Variants in TBC1D22A observed in about 807,000 individuals in gnomAD.
The protein encoded by TBC1D22A is putative GTPase activator.
A neutral mutation model predicts 60.2 loss-of-function variants in TBC1D22A; 38 were observed. The ratio of observed to expected loss-of-function variants is 0.63; its 90% CI spans 0.49 to 0.83. TBC1D22A has a LOEUF of 0.83. Among genes scored for constraint, TBC1D22A ranks in the 40% least tolerant of loss-of-function variants. The pLI is 0.00. For missense variants in TBC1D22A, 628 were observed against 701.0 expected, an observed-to-expected ratio of 0.90 and a Z score of 1.18; for synonymous variants, 302 against 281.7, an observed-to-expected ratio of 1.07 and a Z score of -0.72.
At chr22:46,823,622 A>G (rs1421816092) in intron 4 of TBC1D22A, among the ~76,000 whole-genome samples, 2 of 152,240 alleles carry the variant, frequency 1.3e-5, no homozygotes, top group African/African-American at 4.8e-5. Context: ...GGAGGATTCA[A>G]TGAATTCATG....
rs538885574 is a variant in TBC1D22A, at chr22:46,838,578, G to C, written c.638-40075G>C. On this transcript the variant is annotated intron_variant, in intron 4 of 12. Transcript: ENST00000337137. Reference sequence around the variant, plus strand: ...GTATTATGAGGATATATTATACCCTGATTTAAAAGCCAGACAAGGACATTA... The same window carrying C: ...GTATTATGAGGATATATTATACCCTCATTTAAAAGCCAGACAAGGACATTA... Among the ~76,000 whole-genome samples the C allele has an allele frequency of 1.7e-3, 264 of 152,322 alleles. 3 individuals are homozygous for C. The highest frequency in any genetic ancestry group is 2.6e-3 in the Non-Finnish European group (178 of 68,034).
At chr22:46,903,330 G>A (rs943396602) in intron 7 of TBC1D22A, among the ~76,000 whole-genome samples, 4 of 152,202 alleles carry the variant, frequency 2.6e-5, no homozygotes, top group African/African-American at 4.8e-5. Flanking sequence ...CTGCGGGGGC[G>A]TCTGTACTCG....
chr22:46,950,325 A>G (rs136076), intron 8 of TBC1D22A, among the ~76,000 whole-genome samples: 37,372 of 151,818 alleles, frequency 0.25, 5,092 homozygotes, highest in Non-Finnish European at 0.3. Flanking sequence ...AGAGGTTCTG[A>G]GTTTGGAAGG....
At chr22:47,078,995 C>T (rs911407129) in intron 11 of TBC1D22A, among the ~76,000 whole-genome samples, 16 of 152,124 alleles carry the variant, frequency 1.1e-4, no homozygotes, top group Middle Eastern at 3.2e-3. Flanking sequence ...CCTCTCTAAA[C>T]ACCCTGTATA....
At chr22:46,912,983 A>G (rs1163137973) in intron 8 of TBC1D22A, among the ~76,000 whole-genome samples, 1 of 152,190 alleles carries the variant, frequency 6.6e-6, no homozygotes, top group Non-Finnish European at 1.5e-5. Flanking sequence ...TACTTTTGCT[A>G]TACTAGTAAC....
At chr22:46,958,464 C>T (rs1193035519) in intron 8 of TBC1D22A, among the ~76,000 whole-genome samples, 2 of 152,206 alleles carry the variant, frequency 1.3e-5, no homozygotes, top group African/African-American at 4.8e-5. Context: ...TGTGGAGAGG[C>T]CGCCACCTTG....
At chr22:46,977,785 G>T (rs543017332) in intron 9 of TBC1D22A, among the ~76,000 whole-genome samples, 1 of 152,166 alleles carries the variant, frequency 6.6e-6, no homozygotes, top group Non-Finnish European at 1.5e-5. Context: ...GAGGGGTTGG[G>T]GGAGGTGCCA....
intron 8 of TBC1D22A, among the ~76,000 whole-genome samples, chr22:46,962,435 C>T (rs982754937): frequency 1.6e-4 from 25 of 152,348 alleles, no homozygotes; most frequent in Non-Finnish European, 1.3e-4. Flanking sequence ...ACATGTCTTT[C>T]ACATATTTTA....
chr22:46,822,745 G>A (rs759324515), intron 4 of TBC1D22A, among the ~76,000 whole-genome samples: 2 of 152,242 alleles, frequency 1.3e-5, no homozygotes, highest in African/African-American at 4.8e-5. Flanking sequence ...AGCAGGACCC[G>A]CTTAATGAAG....
intron 4 of TBC1D22A, among the ~76,000 whole-genome samples, chr22:46,861,711 A>G (rs1279055504): frequency 1.3e-5 from 2 of 152,196 alleles, no homozygotes; most frequent in East Asian, 3.8e-4. Flanking sequence ...CTCAGAACCC[A>G]TGGGCAAACT....
chr22:47,052,159 C>T (rs1161216473), intron 11 of TBC1D22A, among the ~76,000 whole-genome samples: 1 of 152,232 alleles, frequency 6.6e-6, no homozygotes, highest in Admixed American at 6.5e-5. Context: ...CACAGGGAAG[C>T]CAGTTCTGGA....
intron 4 of TBC1D22A, among the ~76,000 whole-genome samples, chr22:46,810,078 A>G (rs943782995): frequency 6.6e-6 from 1 of 152,226 alleles, no homozygotes; most frequent in Non-Finnish European, 1.5e-5. Flanking sequence ...AAAATGTGTC[A>G]CATCAGCTCA....
intron 10 of TBC1D22A, among the ~76,000 whole-genome samples, chr22:47,033,450 G>T (rs557282871): frequency 6.6e-5 from 10 of 152,192 alleles, no homozygotes; most frequent in Non-Finnish European, 1.0e-4. Flanking sequence ...GTACTCATTC[G>T]TTCATCACAG....
intron 8 of TBC1D22A, among the ~76,000 whole-genome samples, chr22:46,956,224 G>A (rs998300937): frequency 5.3e-5 from 8 of 152,062 alleles, no homozygotes; most frequent in Non-Finnish European, 1.0e-4. Context: ...TCTTTAAAGA[G>A]GTAATAAAGA....
intron 5 of TBC1D22A, among the ~76,000 whole-genome samples, chr22:46,882,046 G>T (rs2067876719): frequency 6.6e-6 from 1 of 152,230 alleles, no homozygotes; most frequent in African/African-American, 2.4e-5. Flanking sequence ...TGGGAACTCA[G>T]CAGGGAAGGG....
chr22:47,104,821 C>T (rs2065568065), intron 11 of TBC1D22A, among the ~76,000 whole-genome samples: 1 of 152,078 alleles, frequency 6.6e-6, no homozygotes, highest in Non-Finnish European at 1.5e-5. Context: ...CATTTCCTTT[C>T]TATTATCCCA....
chr22:47,089,955 C>G (rs1169520815), intron 11 of TBC1D22A, among the ~76,000 whole-genome samples: 1 of 152,172 alleles, frequency 6.6e-6, no homozygotes, highest in Non-Finnish European at 1.5e-5. Context: ...GAGGTCAGAA[C>G]AGCCCAGTGT....
At chr22:46,792,241 T>A (rs958347469) in intron 1 of TBC1D22A, among the ~76,000 whole-genome samples, 2 of 149,030 alleles carry the variant, frequency 1.3e-5, no homozygotes, top group South Asian at 2.2e-4. Flanking sequence ...TGCCCGAGGG[T>A]CTGTGGTGGT....
chr22:47,163,444 G>A (rs993003769), intron 12 of TBC1D22A, among the ~76,000 whole-genome samples: 8 of 152,390 alleles, frequency 5.2e-5, no homozygotes, highest in African/African-American at 1.9e-4. Flanking sequence ...GAGACAGGCA[G>A]GGCCTCCTGG....
Sources: gnomAD v4.1 joint callset for allele counts (sites outside exome capture counted in the v4.1 genomes callset) on GRCh38, gnomAD v4.1.1 for gene constraint, MANE v1.5 for transcripts, NCBI Gene and HGNC (gene_info 2026-07-23, HGNC 2026-07-21) for gene names.